The following NRCAM variants were observed in gnomAD, a reference collection of about 807,000 sequenced individuals.
NRCAM encodes the protein NgCAM-related cell adhesion molecule.
Under a neutral mutation model 156.5 loss-of-function variants are expected in NRCAM, and 83 were observed. The ratio of observed to expected loss-of-function variants is 0.53; its 90% CI spans 0.44 to 0.64. The LOEUF (loss-of-function observed/expected upper bound fraction) is 0.64, where lower values mean the gene tolerates loss of function less well. Ranked by LOEUF, NRCAM falls within the 30% of genes least tolerant of loss-of-function variation. NRCAM has a pLI of 0.00. For synonymous variants in NRCAM, 538 were observed against 563.9 expected, an observed-to-expected ratio of 0.95 and a Z score of 0.65; for missense variants, 1,417 against 1,597.3, an observed-to-expected ratio of 0.89 and a Z score of 1.92.
chr7:108,430,355 G>C (rs972068501), intron 1 of NRCAM, among the ~76,000 whole-genome samples: 2 of 152,186 alleles, frequency 1.3e-5, no homozygotes, highest in East Asian at 1.9e-4. Flanking sequence ...ACAGTGGCTT[G>C]ATCCGGGATA....
chr7:108,364,362 TG>T (rs1233206938), intron 2 of NRCAM, among the ~76,000 whole-genome samples: 1 of 152,164 alleles, frequency 6.6e-6, no homozygotes, highest in East Asian at 1.9e-4. Flanking sequence ...TAGCAAGTGT[TG>T]GTGAGAATGT....
chr7:108,240,318 G>A, intron 3 of NRCAM, 148 bp from the exon 4 acceptor site: 2 of 328,058 alleles, frequency 6.1e-6, no homozygotes, highest in South Asian at 4.0e-5. Flanking sequence ...TCTCAAAACT[G>A]GAGTAATCAT....
intron 1 of NRCAM, among the ~76,000 whole-genome samples, chr7:108,451,846 G>A (rs1850757407): frequency 6.6e-6 from 1 of 152,094 alleles, no homozygotes; most frequent in Non-Finnish European, 1.5e-5. Context: ...ATTTGGGAAG[G>A]CAAAAAATGT....
rs551825047 is a variant in NRCAM, at chr7:108,207,240, G to C, written c.1207+288C>G. 122 of 244,564 alleles carry C rather than the reference G, an allele frequency of 5.0e-4. 3 individuals carry two copies. In the South Asian group the frequency reaches 9.3e-3, roughly 19 times the overall value. 15.1% of individuals were successfully genotyped at this position (244,564 alleles called of 1,614,324 possible). On this transcript the variant is annotated intron_variant, in intron 13 of 32. Coordinates refer to ENST00000379028, the MANE Select transcript of NRCAM (RefSeq NM_001037132.4). ...AAGAAGATCATCTAAACTTTGAAGT[G>C]ATATTTATTTCTGACCCTGTCATTC... is the stretch of plus-strand genomic sequence containing the variant.
At chr7:108,154,249 T>G (rs1178183783) in intron 32 of NRCAM, among the ~76,000 whole-genome samples, 5 of 152,182 alleles carry the variant, frequency 3.3e-5, no homozygotes, top group African/African-American at 1.2e-4. Flanking sequence ...TATAGGGTCT[T>G]GAAACTGGTG....
rs537817139 is a variant in NRCAM, at chr7:108,177,351, C to A, written c.2974+639G>T. The stretch of plus-strand genomic sequence containing the variant: ...TATCAGTTAAAGGGAAGGCTGGGCG[C>A]AGTGGCTCACGCCTGTAATCCCAGC... On this transcript the variant is annotated intron_variant, in intron 26 of 32. Coordinates refer to ENST00000379028, the MANE Select transcript of NRCAM (RefSeq NM_001037132.4). 1.3e-3 allele frequency among the ~76,000 whole-genome samples: 198 copies of A among 152,222 alleles called. 1 individual carries two copies. Among genetic ancestry groups the A allele is most frequent in the African/African-American group, 4.5e-3 (187 of 41,530 alleles).
At chr7:108,258,846 T>C (rs1313485955) in intron 3 of NRCAM, among the ~76,000 whole-genome samples, 3 of 152,356 alleles carry the variant, frequency 2.0e-5, no homozygotes, top group African/African-American at 7.2e-5. Flanking sequence ...CTCCACTTTC[T>C]ACTTGGTTCC....
Position 108,176,448 on chromosome 7 carries a change from C to A in NRCAM, c.3133G>T (p.Val1045Leu). 1 of 1,613,182 alleles carries A rather than the reference C, an allele frequency of 6.2e-7. No individual in the cohort carries two copies. Among genetic ancestry groups the A allele is most frequent in the East Asian group, 2.2e-5 (1 of 44,802 alleles). The change falls in exon 27 of 33, where the codon GTA becomes TTA. Residue 1045 changes from valine (V) to leucine (L), a missense_variant. By Grantham distance (32) the Val-to-Leu change is conservative (BLOSUM62 1). This residue lies in a region of NRCAM where 1,238 missense variants were observed against 1,336.4 expected (regional missense o/e 0.93). Transcript: ENST00000379028. ...GSGSQITEEA[V>L]TTVDEAGILP... ...ATCTTACCTTCATCCACAGTTGTTA[C>A]TGCTTCCTCTGTAATTTGACTTCCT... is the stretch of plus-strand genomic sequence containing the variant.
At chr7:108,219,424 T>A (rs570881124) in intron 11 of NRCAM, among the ~76,000 whole-genome samples, 20 of 152,232 alleles carry the variant, frequency 1.3e-4, no homozygotes, top group African/African-American at 4.8e-4. Context: ...CTGATATCCC[T>A]GAGGAACATA....
At chr7:108,273,979 C>T (rs1053728041) in intron 3 of NRCAM, among the ~76,000 whole-genome samples, 5 of 152,188 alleles carry the variant, frequency 3.3e-5, no homozygotes, top group Admixed American at 3.3e-4. Context: ...GTTTGCCCAG[C>T]ACCATTTATT....
intron 2 of NRCAM, among the ~76,000 whole-genome samples, chr7:108,322,436 T>C (rs1198837293): frequency 2.0e-5 from 3 of 152,264 alleles, no homozygotes; most frequent in African/African-American, 7.2e-5. Flanking sequence ...CCACGTTCCC[T>C]ATTGGTTGGG....
chr7:108,230,287 C>G (rs1037839015), intron 8 of NRCAM, among the ~76,000 whole-genome samples: 3 of 147,014 alleles, frequency 2.0e-5, no homozygotes, highest in Non-Finnish European at 3.0e-5. Context: ...CAGAATCTTA[C>G]CATTTCTTAC....
chr7:108,417,408 G>T (rs768762626), intron 1 of NRCAM, among the ~76,000 whole-genome samples: 4 of 152,116 alleles, frequency 2.6e-5, no homozygotes, highest in Non-Finnish European at 4.4e-5. Flanking sequence ...CACAGGGAAG[G>T]GGGCCAAACT....
At chr7:108,349,172 T>G (rs1253042844) in intron 2 of NRCAM, among the ~76,000 whole-genome samples, 1 of 152,110 alleles carries the variant, frequency 6.6e-6, no homozygotes, top group Non-Finnish European at 1.5e-5. Flanking sequence ...TTTAGGTTGG[T>G]TGTATTGTTA....
intron 2 of NRCAM, among the ~76,000 whole-genome samples, chr7:108,341,578 C>T (rs950172805): frequency 1.3e-5 from 2 of 152,126 alleles, no homozygotes; most frequent in African/African-American, 2.4e-5. Context: ...AAGGAACAAC[C>T]GTTTGTGGTC....
chr7:108,171,864 CTT>C (rs993771649), intron 28 of NRCAM, among the ~76,000 whole-genome samples: 5 of 152,042 alleles, frequency 3.3e-5, no homozygotes, highest in African/African-American at 9.7e-5. Flanking sequence ...TTCTAGATGT[CTT>C]GTTTTGTTTT....
intron 3 of NRCAM, among the ~76,000 whole-genome samples, chr7:108,257,801 T>C (rs2096741724): frequency 6.6e-6 from 1 of 152,152 alleles, no homozygotes; most frequent in Non-Finnish European, 1.5e-5. Context: ...TCAAAATTGC[T>C]TTTAACTTCA....
In NRCAM at chr7:108,267,200, C is replaced by T. The variant is rs143966599; in HGVS notation, c.-106-27030G>A. Among the ~76,000 whole-genome samples, 147 of 152,312 alleles carry T rather than the reference C, an allele frequency of 9.7e-4. 1 individual carries two copies. The highest frequency in any genetic ancestry group is 1.5e-3 in the Non-Finnish European group (103 of 68,034). On this transcript the variant is annotated intron_variant, in intron 3 of 32. Coordinates refer to ENST00000379028, the MANE Select transcript of NRCAM (RefSeq NM_001037132.4). ...CTCTAGAAGGAAACACTTTCTCTGCCACTTAAGGCTACTTATTATACAACT... is the reference window on the plus strand; with the variant it reads ...CTCTAGAAGGAAACACTTTCTCTGCTACTTAAGGCTACTTATTATACAACT...
intron 13 of NRCAM, among the ~76,000 whole-genome samples, chr7:108,199,678 A>T (rs1448493345): frequency 6.6e-6 from 1 of 152,060 alleles, no homozygotes; most frequent in African/African-American, 2.4e-5. Context: ...CGGAAAAGGC[A>T]CTCTGCTTTT....
Sources: gnomAD v4.1 joint callset for allele counts (sites outside exome capture counted in the v4.1 genomes callset) on GRCh38, gnomAD v4.1.1 for gene constraint, gnomAD v4.1.1 regional missense constraint, MANE v1.5 for transcripts, NCBI Gene and HGNC (gene_info 2026-07-23, HGNC 2026-07-21) for gene names.